SHROOM3: variants seen among roughly 807,000 people sequenced by gnomAD.
The protein encoded by SHROOM3 is protein Shroom3.
A neutral mutation model predicts 138.6 loss-of-function variants in SHROOM3; 47 were observed. That is an observed-to-expected ratio of 0.34 (90% confidence interval 0.27 to 0.43). The LOEUF is 0.43. SHROOM3 is among the 20% of genes least tolerant of loss of function. SHROOM3 has a pLI of 1.00. For missense variants in SHROOM3, 2,491 were observed against 2,596.5 expected, an observed-to-expected ratio of 0.96 and a Z score of 0.88; for synonymous variants, 1,062 against 1,063.3, an observed-to-expected ratio of 1.00 and a Z score of 0.02.
At chr4:76,521,487 T>A (rs1732564667) in intron 1 of SHROOM3, among the ~76,000 whole-genome samples, 1 of 152,236 alleles carries the variant, frequency 6.6e-6, no homozygotes, top group Non-Finnish European at 1.5e-5. Context: ...TGCTTTGTTT[T>A]CAATTGTTCT....
At chr4:76,456,854 A>C (rs1731037318) in intron 1 of SHROOM3, among the ~76,000 whole-genome samples, 1 of 152,292 alleles carries the variant, frequency 6.6e-6, no homozygotes, top group African/African-American at 2.4e-5. Context: ...AGGTTTTGGG[A>C]TAGGCGGTGA....
intron 2 of SHROOM3, among the ~76,000 whole-genome samples, chr4:76,590,168 G>C (rs1371269516): frequency 6.6e-6 from 1 of 152,196 alleles, no homozygotes. Flanking sequence ...TGAATTGGGT[G>C]TGTGCTCACC....
At chr4:76,693,378 T>TTTTTTTTTTTTTTTTG (rs1719621053) in intron 2 of SHROOM3, among the ~76,000 whole-genome samples, 2 of 132,150 alleles carry the variant, frequency 1.5e-5, no homozygotes, top group African/African-American at 3.1e-5. Flanking sequence ...TTGTTTTTTT[T>TTTTTTTTTTTTTTTTG]TTTTTTTTTT....
intron 2 of SHROOM3, among the ~76,000 whole-genome samples, chr4:76,680,353 T>A (rs1029194544): frequency 3.3e-5 from 5 of 152,090 alleles, no homozygotes; most frequent in African/African-American, 1.2e-4. Context: ...GTTAGCCAGG[T>A]TGGTCTTGAT....
chr4:76,590,492 G>A (rs1419124487), intron 2 of SHROOM3, among the ~76,000 whole-genome samples: 2 of 149,628 alleles, frequency 1.3e-5, no homozygotes, highest in Non-Finnish European at 3.0e-5. Flanking sequence ...CATAGCAACA[G>A]CTTCTCAAGA....
chr4:76,560,297 A>G (rs541606673), intron 2 of SHROOM3, among the ~76,000 whole-genome samples: 1 of 152,354 alleles, frequency 6.6e-6, no homozygotes, highest in East Asian at 1.9e-4. Flanking sequence ...AGTATAAGGA[A>G]TGCTCACTGC....
At chr4:76,762,232 ATG>A (rs1188668866) in intron 9 of SHROOM3, among the ~76,000 whole-genome samples, 1 of 152,218 alleles carries the variant, frequency 6.6e-6, no homozygotes, top group Non-Finnish European at 1.5e-5. Flanking sequence ...ACATATATGA[ATG>A]TGCTTTTTGA....
chr4:76,529,988 A>G (rs1732797575), intron 1 of SHROOM3, among the ~76,000 whole-genome samples: 1 of 152,202 alleles, frequency 6.6e-6, no homozygotes, highest in African/African-American at 2.4e-5. Context: ...GGTATGTTCA[A>G]GCTTTGCTTC....
intron 2 of SHROOM3, among the ~76,000 whole-genome samples, chr4:76,605,685 A>G (rs997507224): frequency 1.3e-5 from 2 of 152,074 alleles, no homozygotes; most frequent in African/African-American, 4.8e-5. Context: ...GAAGAGGGGG[A>G]AAATATTTTT....
rs1297606320 is a variant in SHROOM3, at chr4:76,740,350, A to C, written c.2177A>C (p.Glu726Ala). 6.2e-7 allele frequency: 1 copy of C among 1,612,920 alleles called. No individual in the cohort carries two copies. The highest frequency in any genetic ancestry group is 8.5e-7 in the Non-Finnish European group (1 of 1,180,026). Residue 726 changes from glutamate (E) to alanine (A), a missense_variant, in exon 5 of 11, where the codon GAG becomes GCG. Glu to Ala is a moderately radical substitution (Grantham distance 107). Around this residue, in one of 4 missense-constraint regions of SHROOM3, gnomAD observed 1,733 missense variants for 1,661.6 expected, o/e 1.04. Coordinates refer to ENST00000296043, the MANE Select transcript of SHROOM3 (RefSeq NM_020859.4). The surrounding 1 kb of genome is among the most constrained non-coding windows in gnomAD (Gnocchi z 4.0). ...LDRQVSYPRP[E>A]GRTGASASFN... Reference sequence around the variant, plus strand: ...CGGCAGGTTTCCTACCCGCGGCCCGAGGGGAGGACCGGTGCCTCGGCTTCT... The same window carrying C: ...CGGCAGGTTTCCTACCCGCGGCCCGCGGGGAGGACCGGTGCCTCGGCTTCT...
chr4:76,689,127 G>GCACCTTT (rs1719421758), intron 2 of SHROOM3, among the ~76,000 whole-genome samples: 2 of 152,156 alleles, frequency 1.3e-5, no homozygotes, highest in East Asian at 1.9e-4. Flanking sequence ...GTTAATTAAG[G>GCACCTTT]CACCTTTCTG....
intron 1 of SHROOM3, among the ~76,000 whole-genome samples, chr4:76,445,534 A>G (rs1316140965): frequency 6.6e-6 from 1 of 152,210 alleles, no homozygotes; most frequent in Non-Finnish European, 1.5e-5. Flanking sequence ...AAAGAGGTTT[A>G]TAAGTTGGGC....
chr4:76,460,040 G>T (rs535316800), intron 1 of SHROOM3, among the ~76,000 whole-genome samples: 35 of 152,266 alleles, frequency 2.3e-4, no homozygotes, highest in African/African-American at 8.4e-4. Context: ...ATTATCATCA[G>T]AATTTTTATA....
chr4:76,650,341 A>T (rs1162686328), intron 2 of SHROOM3, among the ~76,000 whole-genome samples: 1 of 152,138 alleles, frequency 6.6e-6, no homozygotes, highest in Non-Finnish European at 1.5e-5. Flanking sequence ...GTTAATGGGA[A>T]TGTAAATTAG....
At chr4:76,529,002 A>G (rs947489442) in intron 1 of SHROOM3, among the ~76,000 whole-genome samples, 7 of 152,202 alleles carry the variant, frequency 4.6e-5, no homozygotes, top group Admixed American at 2.6e-4. Flanking sequence ...TTAGGTATCT[A>G]TCCTCACTGC....
Position 76,662,936 on chromosome 4 carries a change from G to GAGGGAGA in SHROOM3, c.324-47220_324-47219insAGGGAGA, listed in dbSNP as rs1577959552. 6.6e-5 allele frequency among the ~76,000 whole-genome samples: 10 copies of GAGGGAGA among 151,292 alleles called. No homozygotes were observed. In the East Asian group the frequency reaches 1.6e-3, roughly 24 times the overall value. On this transcript the variant is annotated intron_variant, in intron 2 of 10. Coordinates refer to ENST00000296043, the MANE Select transcript of SHROOM3 (RefSeq NM_020859.4). ...GAGGGAGAGGAAGGGAGAGGGAGAGGGAGGGAGAGAGGGAGAGAGGGAGAG... is the reference window on the plus strand; with the variant it reads ...GAGGGAGAGGAAGGGAGAGGGAGAGGAGGGAGAGAGGGAGAGAGGGAGAGAGGGAGAG...
At chr4:76,491,216 A>G (rs147047940) in intron 1 of SHROOM3, among the ~76,000 whole-genome samples, 25 of 152,334 alleles carry the variant, frequency 1.6e-4, no homozygotes, top group African/African-American at 6.0e-4. Context: ...GAATTAGGGA[A>G]AGGAGGGAGT....
At chr4:76,637,900 C>A (rs1021073340) in intron 2 of SHROOM3, among the ~76,000 whole-genome samples, 1 of 152,132 alleles carries the variant, frequency 6.6e-6, no homozygotes, top group African/African-American at 2.4e-5. Flanking sequence ...ATACCTTTCC[C>A]CTCCTAGAGG....
At chr4:76,679,156 A>G (rs1174976482) in intron 2 of SHROOM3, among the ~76,000 whole-genome samples, 1 of 152,176 alleles carries the variant, frequency 6.6e-6, no homozygotes, top group Admixed American at 6.5e-5. Context: ...CATTTGTTCA[A>G]CTTGCATGCC....
Sources: allele counts gnomAD v4.1 joint callset (sites outside exome capture counted in the v4.1 genomes callset), GRCh38; gene constraint gnomAD v4.1.1; regional missense constraint gnomAD v4.1.1; non-coding constraint Gnocchi (gnomAD v3.1); transcripts MANE v1.5; gene names NCBI Gene and HGNC (gene_info 2026-07-23, HGNC 2026-07-21).